The following NKAIN2 variants were observed in gnomAD, a reference collection of about 807,000 sequenced individuals.
NKAIN2 encodes sodium/potassium transporting ATPase interacting 2.
A neutral mutation model predicts 32.6 loss-of-function variants in NKAIN2; 14 were observed. The observed-to-expected ratio is 0.43, with a 90% CI of 0.28 to 0.67. The LOEUF is 0.67. Among genes scored for constraint, NKAIN2 ranks in the 30% least tolerant of loss-of-function variants. The pLI, the probability that NKAIN2 is intolerant of heterozygous loss-of-function variation, is 0.17. For synonymous variants in NKAIN2, 80 were observed against 87.2 expected (o/e 0.92, Z 0.46); for missense variants, 198 against 258.3 (o/e 0.77, Z 1.60).
intron 3 of NKAIN2, among the ~76,000 whole-genome samples, chr6:124,621,574 G>A (rs573494977): frequency 3.9e-5 from 6 of 152,266 alleles, no homozygotes; most frequent in African/African-American, 1.4e-4. Context: ...CTGGCCAAAA[G>A]TGTCATGTGG....
At chr6:124,766,532 ATGAAAGATTCT>A (rs2114748184) in intron 4 of NKAIN2, among the ~76,000 whole-genome samples, 1 of 152,268 alleles carries the variant, frequency 6.6e-6, no homozygotes, top group South Asian at 2.1e-4. Context: ...TATGTTTCCG[ATGAAAGATTCT>A]TGCTGACCCT....
At chr6:124,095,035 G>A (rs891936154) in intron 1 of NKAIN2, among the ~76,000 whole-genome samples, 2 of 151,994 alleles carry the variant, frequency 1.3e-5, no homozygotes. Flanking sequence ...TAAAAAATAT[G>A]TAATAACATG....
At chr6:124,568,822 C>A (rs1327342997) in intron 3 of NKAIN2, among the ~76,000 whole-genome samples, 109 of 80,458 alleles carry the variant, frequency 1.4e-3, no homozygotes, top group African/African-American at 3.7e-3. Flanking sequence ...AGCACTGTGG[C>A]AAAAAAAAAA....
At chr6:124,683,214 G>A (rs1323367001) in intron 4 of NKAIN2, among the ~76,000 whole-genome samples, 2 of 152,202 alleles carry the variant, frequency 1.3e-5, no homozygotes, top group South Asian at 2.1e-4. Context: ...CATCCCATTC[G>A]CAGAAAAAGG....
chr6:124,312,068 A>G (rs1161577078), intron 2 of NKAIN2, among the ~76,000 whole-genome samples: 2 of 152,124 alleles, frequency 1.3e-5, no homozygotes, highest in East Asian at 3.9e-4. Flanking sequence ...TGCAAACATA[A>G]AATCACACAC....
intron 1 of NKAIN2, among the ~76,000 whole-genome samples, chr6:124,081,831 A>G (rs760780274): frequency 6.6e-6 from 1 of 151,918 alleles, no homozygotes; most frequent in Non-Finnish European, 1.5e-5. Context: ...AAGAGGCCAA[A>G]AGTATTAAGT....
intron 5 of NKAIN2, among the ~76,000 whole-genome samples, chr6:124,807,591 A>G (rs1365800580): frequency 6.8e-6 from 1 of 146,684 alleles, no homozygotes; most frequent in African/African-American, 2.5e-5. Context: ...TAGAAAAGCA[A>G]GAGCAAACAC....
intron 1 of NKAIN2, among the ~76,000 whole-genome samples, chr6:124,154,786 A>G (rs1787902157): frequency 1.3e-5 from 2 of 152,084 alleles, no homozygotes; most frequent in African/African-American, 4.8e-5. Flanking sequence ...AACTGAAAAG[A>G]AAACCTGACA....
intron 1 of NKAIN2, among the ~76,000 whole-genome samples, chr6:124,271,574 A>G (rs142167450): frequency 2.2e-3 from 335 of 152,330 alleles, no homozygotes; most frequent in African/African-American, 7.6e-3. Context: ...AGCAGTGTGA[A>G]AATGGACTAA....
chr6:124,527,562 T>C (rs1664030255), intron 3 of NKAIN2, among the ~76,000 whole-genome samples: 1 of 152,162 alleles, frequency 6.6e-6, no homozygotes. Flanking sequence ...TGTGAAAAAC[T>C]TGGTAAGATC....
chr6:123,874,787 G>C (rs1359480130), intron 1 of NKAIN2, among the ~76,000 whole-genome samples: 1 of 151,854 alleles, frequency 6.6e-6, no homozygotes, highest in Non-Finnish European at 1.5e-5. Context: ...AAATTATAAA[G>C]TCATAAAGAA....
At chr6:124,280,291 A>C (rs1795231651) in intron 1 of NKAIN2, among the ~76,000 whole-genome samples, 1 of 152,220 alleles carries the variant, frequency 6.6e-6, no homozygotes. Context: ...ATATAATGTC[A>C]TGAACTGACA....
At chr6:124,779,247 A>AAGAGAGAGAGAGAGAGAGAGAG (rs71024703) in intron 4 of NKAIN2, among the ~76,000 whole-genome samples, 1 of 75,340 alleles carries the variant, frequency 1.3e-5, no homozygotes, top group African/African-American at 6.0e-5. Context: ...CCAACAAAGA[A>AAGAGAGAGAGAGAGAGAGAGAG]AGAGAGAGAG....
intron 3 of NKAIN2, among the ~76,000 whole-genome samples, chr6:124,491,825 G>A (rs1562218428): frequency 6.6e-6 from 1 of 151,852 alleles, no homozygotes; most frequent in Non-Finnish European, 1.5e-5. Flanking sequence ...TCAAAGTGTT[G>A]AATATTTTAA....
chr6:124,707,667 G>C (rs988738909), intron 4 of NKAIN2, among the ~76,000 whole-genome samples: 65 of 151,158 alleles, frequency 4.3e-4, no homozygotes, highest in East Asian at 3.5e-3. Flanking sequence ...TCATGTCCTT[G>C]GCCCACTTTT....
intron 2 of NKAIN2, among the ~76,000 whole-genome samples, chr6:124,346,014 A>G (rs1447618105): frequency 6.6e-6 from 1 of 151,842 alleles, no homozygotes; most frequent in African/African-American, 2.4e-5. Context: ...AATGTGTCCT[A>G]GAGATTGTGG....
chr6:124,364,515 C>T (rs1307304239), intron 3 of NKAIN2, among the ~76,000 whole-genome samples: 10 of 151,608 alleles, frequency 6.6e-5, no homozygotes, highest in African/African-American at 1.2e-4. Context: ...ATAAGAGGTG[C>T]CAAAGATAAA....
intron 4 of NKAIN2, among the ~76,000 whole-genome samples, chr6:124,790,086 A>C (rs1779678128): frequency 6.6e-6 from 1 of 152,078 alleles, no homozygotes; most frequent in Admixed American, 6.6e-5. Flanking sequence ...TCCAGGAATG[A>C]CCACTGTTTT....
chr6:124,023,434 G>A (rs1384591181), intron 1 of NKAIN2, among the ~76,000 whole-genome samples: 1 of 151,754 alleles, frequency 6.6e-6, no homozygotes, highest in Admixed American at 6.6e-5. Flanking sequence ...CCCTCTTGTC[G>A]TTTAATTCTG....
Sources: gnomAD v4.1 joint callset for allele counts (sites outside exome capture counted in the v4.1 genomes callset) on GRCh38, gnomAD v4.1.1 for gene constraint, MANE v1.5 for transcripts, NCBI Gene and HGNC (gene_info 2026-07-23, HGNC 2026-07-21) for gene names.